ARNT2: variants seen among roughly 807,000 people sequenced by gnomAD.
The protein encoded by ARNT2 is ARNT protein 2.
Under a neutral mutation model 91.7 loss-of-function variants are expected in ARNT2, and 36 were observed. That is an observed-to-expected ratio of 0.39 (90% CI 0.30 to 0.52). ARNT2 has a LOEUF of 0.52. ARNT2 is among the 20% of genes least tolerant of loss of function. ARNT2 has a pLI of 0.72. For missense variants in ARNT2, 775 were observed against 939.3 expected, an observed-to-expected ratio of 0.83 and a Z score of 2.29; for synonymous variants, 365 against 347.1, an observed-to-expected ratio of 1.05 and a Z score of -0.57.
intron 3 of ARNT2, among the ~76,000 whole-genome samples, chr15:80,466,618 C>T (rs546096931): frequency 6.6e-6 from 1 of 152,234 alleles, no homozygotes. Context: ...CAAACATGAT[C>T]TTGGAGATAT....
intron 11 of ARNT2, among the ~76,000 whole-genome samples, chr15:80,559,498 T>G (rs1333930937): frequency 6.6e-6 from 1 of 152,216 alleles, no homozygotes; most frequent in African/African-American, 2.4e-5. Flanking sequence ...GGCTTCTTCT[T>G]GCAGAAGCAG....
chr15:80,507,256 T>C (rs117417249), intron 5 of ARNT2, among the ~76,000 whole-genome samples: 1,656 of 151,802 alleles, frequency 0.011, 23 homozygotes, highest in East Asian at 0.042. Flanking sequence ...CAGAACCCCG[T>C]GGGGGGTGGG....
At chr15:80,563,034 C>T in intron 11 of ARNT2, 54 bp from the exon 12 acceptor site, 1 of 1,604,818 alleles carries the variant, frequency 6.2e-7, no homozygotes, top group African/African-American at 1.3e-5. Context: ...CTCCCTCCTC[C>T]CGTTTGGCAC....
chr15:80,405,693 G>GC (rs1266456309), intron 1 of ARNT2, among the ~76,000 whole-genome samples: 2 of 152,112 alleles, frequency 1.3e-5, no homozygotes, highest in Non-Finnish European at 2.9e-5. Context: ...CAGTGGACTT[G>GC]CTCTAAGCAA....
At chr15:80,426,729 T>C (rs915791174) in intron 1 of ARNT2, among the ~76,000 whole-genome samples, 1 of 152,192 alleles carries the variant, frequency 6.6e-6, no homozygotes, top group African/African-American at 2.4e-5. Context: ...TGTGGACCAG[T>C]TGTGTTCGTC....
In ARNT2 at chr15:80,591,964, A is replaced by G. The variant is rs1362035759; in HGVS notation, c.2055+260A>G. ...GAGGCTGCAGTTGGAGATGCTTCCCAGACTCCAGAGCTATCCAGGGTAGAG... is the reference window on the plus strand; with the variant it reads ...GAGGCTGCAGTTGGAGATGCTTCCCGGACTCCAGAGCTATCCAGGGTAGAG... On this transcript the variant is annotated intron_variant, in intron 18 of 18. Coordinates refer to ENST00000303329, the MANE Select transcript of ARNT2 (RefSeq NM_014862.4). This position sits in a 1 kb window ranked among gnomAD's most constrained non-coding sequence, Gnocchi z 5.1. Among the ~76,000 whole-genome samples the G allele has an allele frequency of 6.6e-6, 1 of 152,136 alleles. No individual in the cohort carries two copies. Among genetic ancestry groups the G allele is most frequent in the East Asian group, 1.9e-4 (1 of 5,180 alleles).
At chr15:80,500,837 G>T (rs1014669753) in intron 5 of ARNT2, among the ~76,000 whole-genome samples, 1 of 152,182 alleles carries the variant, frequency 6.6e-6, no homozygotes, top group African/African-American at 2.4e-5. Flanking sequence ...GAGTGGGTGT[G>T]GCTGTTTTCC....
At chr15:80,451,825 A>T (rs1250778928) in intron 2 of ARNT2, among the ~76,000 whole-genome samples, 1 of 152,214 alleles carries the variant, frequency 6.6e-6, no homozygotes, top group African/African-American at 2.4e-5. Context: ...CAGACTCAAG[A>T]TATCACCTAG....
intron 12 of ARNT2, among the ~76,000 whole-genome samples, chr15:80,572,399 GT>G (rs530358513): frequency 1.9e-4 from 29 of 151,764 alleles, no homozygotes; most frequent in Non-Finnish European, 3.8e-4. Flanking sequence ...TGCATTCCTG[GT>G]GGTTCCTCCC....
chr15:80,591,476 A>G lies in ARNT2; in HGVS notation c.1919-92A>G, dbSNP rs1158602027. ...CTCTGGATGGAACGTGCCTTTCAGA[A>G]GCGGGAGGCCCTCCAGCCGCAGTGG... On this transcript the variant is annotated intron_variant, in intron 17 of 18. Coordinates refer to ENST00000303329, the MANE Select transcript of ARNT2 (RefSeq NM_014862.4). The surrounding 1 kb of genome is among the most constrained non-coding windows in gnomAD (Gnocchi z 5.1). 2.6e-6 allele frequency: 4 copies of G among 1,531,746 alleles called. No individual in the cohort carries two copies. The highest frequency in any genetic ancestry group is 1.4e-5 in the African/African-American group (1 of 73,440). 94.9% of individuals were successfully genotyped at this position (1,531,746 alleles called of 1,614,324 possible).
chr15:80,468,052 AC>A (rs1264519085), intron 3 of ARNT2, among the ~76,000 whole-genome samples: 1 of 150,870 alleles, frequency 6.6e-6, no homozygotes, highest in African/African-American at 2.4e-5. Context: ...ACCTCTATCT[AC>A]CCCCGAGTCA....
chr15:80,476,191 C>T (rs900593643), intron 5 of ARNT2, among the ~76,000 whole-genome samples: 5 of 152,070 alleles, frequency 3.3e-5, no homozygotes, highest in Non-Finnish European at 7.3e-5. Flanking sequence ...TATGTTATTG[C>T]GAAATGGTAG....
intron 5 of ARNT2, among the ~76,000 whole-genome samples, chr15:80,504,475 A>G (rs1435095713): frequency 1.3e-5 from 2 of 152,104 alleles, no homozygotes; most frequent in Non-Finnish European, 2.9e-5. Flanking sequence ...GTTGTGATAA[A>G]AAGTAGAAGT....
intron 8 of ARNT2, among the ~76,000 whole-genome samples, chr15:80,519,271 G>A (rs1897494373): frequency 1.3e-5 from 2 of 152,144 alleles, no homozygotes; most frequent in Admixed American, 1.3e-4. Flanking sequence ...AGATGATTTT[G>A]AGGGCTTCGA....
intron 17 of ARNT2, among the ~76,000 whole-genome samples, chr15:80,584,110 C>A (rs1898847807): frequency 6.6e-6 from 1 of 152,088 alleles, no homozygotes; most frequent in Non-Finnish European, 1.5e-5. Context: ...GGAGACGAAG[C>A]TGAGCAGGAG....
chr15:80,483,249 TTCGA>T (rs1477986759), intron 5 of ARNT2, among the ~76,000 whole-genome samples: 6 of 152,248 alleles, frequency 3.9e-5, no homozygotes, highest in African/African-American at 1.4e-4. Context: ...ACTTATATAC[TTCGA>T]TGCACATTTT....
Position 80,477,301 on chromosome 15 carries a change from T to C in ARNT2, c.622+2078T>C, listed in dbSNP as rs931005112. Among the ~76,000 whole-genome samples the C allele has an allele frequency of 6.0e-4, 92 of 152,334 alleles. 1 individual carries two copies. The highest frequency in any genetic ancestry group is 2.2e-3 in the African/African-American group (92 of 41,588). ...TGGGAAGTCCAAGATCAAGGCACCT[T>C]GATGTCTGGCAAGGGCCTACTTTCT... is the stretch of plus-strand genomic sequence containing the variant. On this transcript the variant is annotated intron_variant, in intron 5 of 18. Transcript: ENST00000303329.
intron 1 of ARNT2, among the ~76,000 whole-genome samples, chr15:80,447,773 C>CT (rs1233462260): frequency 2.0e-5 from 3 of 152,032 alleles, no homozygotes; most frequent in African/African-American, 7.3e-5. Context: ...AAGGGTGGCT[C>CT]CTAAAAATCA....
At chr15:80,580,826 T>C (rs567582177) in intron 16 of ARNT2, among the ~76,000 whole-genome samples, 1 of 152,200 alleles carries the variant, frequency 6.6e-6, no homozygotes, top group African/African-American at 2.4e-5. Flanking sequence ...TCATCAAGAA[T>C]GAGCCCCTCA....
Sources: allele counts gnomAD v4.1 joint callset (sites outside exome capture counted in the v4.1 genomes callset), GRCh38; gene constraint gnomAD v4.1.1; non-coding constraint Gnocchi (gnomAD v3.1); transcripts MANE v1.5; gene names NCBI Gene and HGNC (gene_info 2026-07-23, HGNC 2026-07-21).